Variants in CHST11 observed in about 807,000 individuals in gnomAD.
The protein encoded by CHST11 is carbohydrate sulfotransferase 11.
CHST11 carries 9 observed loss-of-function variants against 30.4 expected under a neutral mutation model. The observed-to-expected ratio is 0.30, with a 90% CI of 0.18 to 0.52. CHST11 has a LOEUF of 0.52. Ranked by LOEUF, CHST11 falls within the 20% of genes least tolerant of loss-of-function variation. CHST11 has a pLI of 0.97. For missense variants in CHST11, 348 were observed against 460.6 expected, an observed-to-expected ratio of 0.76 and a Z score of 2.24; for synonymous variants, 152 against 187.8, an observed-to-expected ratio of 0.81 and a Z score of 1.56.
chr12:104,649,783 G>A (rs2039473992), intron 2 of CHST11, among the ~76,000 whole-genome samples: 1 of 152,244 alleles, frequency 6.6e-6, no homozygotes, highest in Non-Finnish European at 1.5e-5. Flanking sequence ...CAAGAAGTGA[G>A]GAAAAGATCC....
At chr12:104,743,112 C>T (rs531195838) in intron 2 of CHST11, among the ~76,000 whole-genome samples, 7 of 152,302 alleles carry the variant, frequency 4.6e-5, no homozygotes, top group South Asian at 4.1e-4. Flanking sequence ...CAGTGTCCAC[C>T]GTATGTGAAG....
Position 104,544,972 on chromosome 12 carries a change from G to T in CHST11, c.119-56934G>T, listed in dbSNP as rs181227107. ...AATGGGTGGGTTTATTAGGTCCACA[G>T]GGCAGCGTCCTTGTTCTGAGAAGAG... On this transcript the variant is annotated intron_variant, in intron 1 of 2. Coordinates refer to ENST00000303694, the MANE Select transcript of CHST11 (RefSeq NM_018413.6). Among the ~76,000 whole-genome samples the T allele has an allele frequency of 3.9e-3, 597 of 152,194 alleles. 6 individuals are homozygous for T. Among genetic ancestry groups the T allele is most frequent in the African/African-American group, 0.014 (580 of 41,532 alleles).
chr12:104,750,188 C>T (rs553775009), intron 2 of CHST11, among the ~76,000 whole-genome samples: 8 of 151,782 alleles, frequency 5.3e-5, no homozygotes, highest in Admixed American at 1.3e-4. Context: ...GAGATTCCAG[C>T]GTGCCGAGTT....
At chr12:104,574,184 T>C (rs1403050149) in intron 1 of CHST11, among the ~76,000 whole-genome samples, 2 of 152,190 alleles carry the variant, frequency 1.3e-5, no homozygotes, top group African/African-American at 4.8e-5. Flanking sequence ...CCAGTTAGAA[T>C]GGCAATCATT....
intron 1 of CHST11, among the ~76,000 whole-genome samples, chr12:104,554,711 A>G (rs1271797338): frequency 6.6e-6 from 1 of 152,188 alleles, no homozygotes; most frequent in Non-Finnish European, 1.5e-5. Flanking sequence ...ATTTCTGTAT[A>G]TGATTTTCTT....
intron 1 of CHST11, among the ~76,000 whole-genome samples, chr12:104,591,063 T>C (rs2038853409): frequency 6.6e-6 from 1 of 151,952 alleles, no homozygotes; most frequent in African/African-American, 2.4e-5. Context: ...AGAACAGTTG[T>C]TGGTGTTGGG....
intron 2 of CHST11, among the ~76,000 whole-genome samples, chr12:104,685,908 CT>C (rs2039842063): frequency 6.6e-6 from 1 of 152,096 alleles, no homozygotes; most frequent in East Asian, 1.9e-4. Flanking sequence ...CTGGTGTTTT[CT>C]GATGGTTCCA....
intron 2 of CHST11, among the ~76,000 whole-genome samples, chr12:104,623,669 C>T (rs1399058566): frequency 1.3e-5 from 2 of 151,924 alleles, no homozygotes; most frequent in Non-Finnish European, 2.9e-5. Context: ...GAGATCGCGC[C>T]ACTGTCACCC....
At chr12:104,579,757 C>A (rs1445050710) in intron 1 of CHST11, among the ~76,000 whole-genome samples, 1 of 152,112 alleles carries the variant, frequency 6.6e-6, no homozygotes, top group Non-Finnish European at 1.5e-5. Context: ...ATTGTGTAGA[C>A]CCACTACACC....
chr12:104,592,199 C>T (rs1270605972), intron 1 of CHST11, among the ~76,000 whole-genome samples: 1 of 151,402 alleles, frequency 6.6e-6, no homozygotes, highest in Non-Finnish European at 1.5e-5. Context: ...CTCTCATGCT[C>T]TCAGTGGGTG....
chr12:104,664,560 C>T (rs1335652741), intron 2 of CHST11, among the ~76,000 whole-genome samples: 1 of 152,098 alleles, frequency 6.6e-6, no homozygotes, highest in Non-Finnish European at 1.5e-5. Flanking sequence ...GTTACAAGTG[C>T]AAACAGCCCC....
At chr12:104,540,794 C>T (rs1202011299) in intron 1 of CHST11, among the ~76,000 whole-genome samples, 3 of 152,170 alleles carry the variant, frequency 2.0e-5, no homozygotes, top group South Asian at 2.1e-4. Flanking sequence ...CCAGGGTGAG[C>T]CAGGGAGCAT....
intron 2 of CHST11, among the ~76,000 whole-genome samples, chr12:104,707,976 G>A (rs1334602479): frequency 1.3e-5 from 2 of 151,950 alleles, no homozygotes; most frequent in Non-Finnish European, 2.9e-5. Flanking sequence ...TCACAAGCAT[G>A]CATGTGCATA....
intron 1 of CHST11, among the ~76,000 whole-genome samples, chr12:104,469,141 G>A (rs2037484920): frequency 6.6e-6 from 1 of 152,106 alleles, no homozygotes; most frequent in African/African-American, 2.4e-5. Flanking sequence ...TTTAACATGT[G>A]CGTCCTACAC....
intron 2 of CHST11, among the ~76,000 whole-genome samples, chr12:104,637,863 C>A (rs1018435507): frequency 2.0e-5 from 3 of 151,238 alleles, no homozygotes; most frequent in African/African-American, 7.4e-5. Flanking sequence ...CTTTGCCGCA[C>A]CCCCCCACCC....
intron 2 of CHST11, among the ~76,000 whole-genome samples, chr12:104,719,013 G>T (rs1178849896): frequency 6.6e-6 from 1 of 152,196 alleles, no homozygotes; most frequent in Non-Finnish European, 1.5e-5. Context: ...CTCCTTTGGA[G>T]GATCAACGGC....
intron 2 of CHST11, among the ~76,000 whole-genome samples, chr12:104,730,986 C>G (rs2136132410): frequency 6.6e-6 from 1 of 152,368 alleles, no homozygotes; most frequent in East Asian, 1.9e-4. Flanking sequence ...ATCTTACCTT[C>G]TGCCCTGGAC....
intron 1 of CHST11, among the ~76,000 whole-genome samples, chr12:104,471,882 T>C (rs573171736): frequency 6.6e-6 from 1 of 152,318 alleles, no homozygotes; most frequent in East Asian, 1.9e-4. Context: ...GCTACTGTAA[T>C]GTATAGTGTA....
intron 2 of CHST11, among the ~76,000 whole-genome samples, chr12:104,675,045 T>A (rs2039728411): frequency 6.6e-6 from 1 of 152,208 alleles, no homozygotes; most frequent in Admixed American, 6.5e-5. Flanking sequence ...ACTCTTAAGG[T>A]ATATTTTTAC....
Sources: allele counts gnomAD v4.1 joint callset (sites outside exome capture counted in the v4.1 genomes callset), GRCh38; gene constraint gnomAD v4.1.1; transcripts MANE v1.5; gene names NCBI Gene and HGNC (gene_info 2026-07-23, HGNC 2026-07-21).